The following SLC17A1 variants were observed in gnomAD, a reference collection of about 807,000 sequenced individuals.
SLC17A1 encodes sodium-dependent phosphate transport protein 1.
A neutral mutation model predicts 53.5 loss-of-function variants in SLC17A1; 51 were observed. The ratio of observed to expected loss-of-function variants is 0.95; its 90% CI spans 0.76 to 1.20. The LOEUF (loss-of-function observed/expected upper bound fraction) is 1.20. Ranked by LOEUF, SLC17A1 falls within the 50% of genes most tolerant of loss-of-function variation. The pLI, the probability that SLC17A1 is intolerant of heterozygous loss-of-function variation, is 0.00. For synonymous variants in SLC17A1, 179 were observed against 198.8 expected (o/e 0.90, Z 0.84); for missense variants, 538 against 568.2 (o/e 0.95, Z 0.54).
chr6:25,808,421 C>T (rs999617329), intron 10 of SLC17A1, among the ~76,000 whole-genome samples: 3 of 151,858 alleles, frequency 2.0e-5, no homozygotes, highest in Admixed American at 6.6e-5. Flanking sequence ...CTGATGGATG[C>T]ACTAAAATCT....
the SLC17A1 span, among the ~76,000 whole-genome samples, chr6:25,745,851 T>C: frequency 2.6e-5 from 4 of 152,234 alleles, no homozygotes; most frequent in African/African-American, 4.8e-5. Context: ...GTTGTTTCTT[T>C]AGAGCTTCTC....
intron 9 of SLC17A1, 26 bp downstream of exon 9, chr6:25,811,612 G>T (rs781663330): frequency 6.2e-7 from 1 of 1,613,710 alleles, no homozygotes; most frequent in Non-Finnish European, 8.5e-7. Flanking sequence ...TCTCCCAAGT[G>T]CTTAAATGTT....
At chr6:25,796,307 C>T (rs1220313363) in intron 12 of SLC17A1, among the ~76,000 whole-genome samples, 1 of 152,072 alleles carries the variant, frequency 6.6e-6, no homozygotes, top group Non-Finnish European at 1.5e-5. Context: ...CAGATTTTTG[C>T]CATTTCTAAA....
the SLC17A1 span, chr6:25,777,447 C>A: frequency 6.3e-6 from 1 of 159,608 alleles, no homozygotes; most frequent in Non-Finnish European, 1.4e-5. Flanking sequence ...TAATGAACCA[C>A]CAAGAAATGT....
At chr6:25,790,628 T>C (rs1171470624) in intron 12 of SLC17A1, among the ~76,000 whole-genome samples, 2 of 152,172 alleles carry the variant, frequency 1.3e-5, no homozygotes, top group Non-Finnish European at 2.9e-5. Context: ...ATCATCTGAA[T>C]AGAAGCTACA....
the SLC17A1 span, chr6:25,726,965 T>C: frequency 6.2e-7 from 1 of 1,614,174 alleles, no homozygotes; most frequent in Non-Finnish European, 8.5e-7. Context: ...TTAAGAAAGC[T>C]GTCGTTAAGA....
At chr6:25,732,092 C>G in the SLC17A1 span, 1 of 924,346 alleles carries the variant, frequency 1.1e-6, no homozygotes, top group Non-Finnish European at 1.5e-6. Flanking sequence ...TGTCCTCCTT[C>G]GAGTTTTAGC....
In SLC17A1 at chr6:25,819,826, T is replaced by C; in HGVS notation, c.297A>G (p.Gly99=). The change falls in exon 4 of 13, where the codon GGA becomes GGG. Residue 99 remains glycine (G), a synonymous_variant. Transcript: ENST00000244527. ...YGVIIIQVPV[G]YFSGIYSTKK... ...TTGTAGAATATATTCCAGAGAAGTATCCAACAGGAACTTGGATGATGATGA... is the reference window on the plus strand; with the variant it reads ...TTGTAGAATATATTCCAGAGAAGTACCCAACAGGAACTTGGATGATGATGA... The C allele has an allele frequency of 1.9e-6, 3 of 1,614,068 alleles. No homozygotes were observed. Among genetic ancestry groups the C allele is most frequent in the Non-Finnish European group, 2.5e-6 (3 of 1,179,964 alleles).
intron 12 of SLC17A1, among the ~76,000 whole-genome samples, chr6:25,798,148 A>G (rs1257927271): frequency 6.6e-6 from 1 of 152,096 alleles, no homozygotes; most frequent in African/African-American, 2.4e-5. Context: ...TGGATCTCTT[A>G]ATTTATTGAG....
chr6:25,819,857 T>C lies in SLC17A1; in HGVS notation c.266A>G (p.Tyr89Cys). 6.2e-7 allele frequency: 1 copy of C among 1,614,002 alleles called. No individual in the cohort carries two copies. The highest frequency in any genetic ancestry group is 8.5e-7 in the Non-Finnish European group (1 of 1,179,942). Reference protein sequence around the residue: ...IQGIILSSTSYGVIIIQVPVG... With the variant: ...IQGIILSSTSCGVIIIQVPVG... ...AGGAACTTGGATGATGATGACACCA[T>C]AGGAGGTGGAACTCAAGATGATTCC... is the stretch of plus-strand genomic sequence containing the variant. Residue 89 changes from tyrosine (Y) to cysteine (C), a missense_variant, in exon 4 of 13, where the codon TAT (tyrosine) becomes TGT (cysteine). Transcript: ENST00000244527.
At chr6:25,726,941 T>G in the SLC17A1 span, 1 of 1,613,912 alleles carries the variant, frequency 6.2e-7, no homozygotes, top group Admixed American at 1.7e-5. Flanking sequence ...GTGCTACCAT[T>G]TCCAAGAAGG....
intron 6 of SLC17A1, among the ~76,000 whole-genome samples, chr6:25,818,622 TA>T (rs1204179292): frequency 1.3e-5 from 2 of 152,242 alleles, no homozygotes; most frequent in Non-Finnish European, 2.9e-5. Flanking sequence ...CACTTATTTG[TA>T]AACCTTATTT....
the SLC17A1 span, among the ~76,000 whole-genome samples, chr6:25,776,428 A>G: frequency 1.3e-5 from 2 of 152,008 alleles, no homozygotes; most frequent in Non-Finnish European, 2.9e-5. Flanking sequence ...AGCTATGAAC[A>G]TATACATACT....
chr6:25,726,437 TC>T, the SLC17A1 span: 2 of 1,613,926 alleles, frequency 1.2e-6, no homozygotes, highest in African/African-American at 2.7e-5. Flanking sequence ...AGACGATGGA[TC>T]CGGCCTACGG....
the SLC17A1 span, among the ~76,000 whole-genome samples, chr6:25,753,146 G>A: frequency 6.6e-6 from 1 of 152,180 alleles, no homozygotes; most frequent in South Asian, 2.1e-4. Flanking sequence ...ATTTTCAAGT[G>A]TTTTACTTTT....
chr6:25,747,061 C>G, the SLC17A1 span, among the ~76,000 whole-genome samples: 4 of 152,130 alleles, frequency 2.6e-5, no homozygotes, highest in Non-Finnish European at 5.9e-5. Context: ...AAGCAGTTCA[C>G]CAACAATATC....
At chr6:25,781,710 A>G (rs9348696), downstream of SLC17A1, among the ~76,000 whole-genome samples, 45,903 of 151,814 alleles carry the variant, frequency 0.3, 7,700 homozygotes, top group East Asian at 0.68. Flanking sequence ...AGGAGGTGCC[A>G]GGTTTTTTTA....
At chr6:25,796,704 A>C (rs1763609328) in intron 12 of SLC17A1, among the ~76,000 whole-genome samples, 1 of 152,110 alleles carries the variant, frequency 6.6e-6, no homozygotes, top group Non-Finnish European at 1.5e-5. Flanking sequence ...TTTATTAATA[A>C]ATTTTCCAGG....
intron 11 of SLC17A1, among the ~76,000 whole-genome samples, chr6:25,799,323 A>G (rs1581457806): frequency 6.6e-6 from 1 of 151,974 alleles, no homozygotes; most frequent in East Asian, 1.9e-4. Flanking sequence ...ACTTTCATCT[A>G]TTGTAACTAT....
Sources: allele counts gnomAD v4.1 joint callset (sites outside exome capture counted in the v4.1 genomes callset), GRCh38; gene constraint gnomAD v4.1.1; transcripts MANE v1.5; gene names NCBI Gene and HGNC (gene_info 2026-07-23, HGNC 2026-07-21).